RAB30: variants seen among roughly 807,000 people sequenced by gnomAD.
The protein encoded by RAB30 is RAB30, member RAS oncogene family, also known as ras-related protein Rab-30.
Under a neutral mutation model 25.1 loss-of-function variants are expected in RAB30, and 9 were observed. The observed-to-expected ratio is 0.36, with a 90% CI of 0.22 to 0.63. The LOEUF is 0.63. Ranked by LOEUF, RAB30 falls within the 20% of genes least tolerant of loss-of-function variation. RAB30 has a pLI of 0.69. For synonymous variants in RAB30, 77 were observed against 86.4 expected (o/e 0.89, Z 0.60); for missense variants, 140 against 243.5 (o/e 0.58, Z 2.83).
At chr11:83,016,101 G>A (rs535659153) in intron 1 of RAB30, among the ~76,000 whole-genome samples, 2 of 152,176 alleles carry the variant, frequency 1.3e-5, no homozygotes, top group Non-Finnish European at 2.9e-5. Context: ...TCATGCCACT[G>A]TACTCCAGCC....
At chr11:83,007,544 C>T (rs1400647188) in intron 1 of RAB30, among the ~76,000 whole-genome samples, 3 of 152,140 alleles carry the variant, frequency 2.0e-5, no homozygotes, top group African/African-American at 4.8e-5. Context: ...TCAGCATTAA[C>T]CCAAGCAAAC....
intron 1 of RAB30, among the ~76,000 whole-genome samples, chr11:83,022,567 C>G (rs1194821174): frequency 6.6e-6 from 1 of 152,066 alleles, no homozygotes; most frequent in Non-Finnish European, 1.5e-5. Context: ...CCAATTTTTA[C>G]TTTAGTATTT....
chr11:83,015,899 A>G (rs949656883), intron 1 of RAB30, among the ~76,000 whole-genome samples: 1 of 152,234 alleles, frequency 6.6e-6, no homozygotes, highest in Non-Finnish European at 1.5e-5. Context: ...ACACTTTGGG[A>G]GAATGAGGCA....
intron 1 of RAB30, among the ~76,000 whole-genome samples, chr11:83,061,394 A>T (rs1281501032): frequency 6.6e-6 from 1 of 152,236 alleles, no homozygotes; most frequent in Non-Finnish European, 1.5e-5. Context: ...TCTGGATCAG[A>T]AAAATTTTTT....
intron 4 of RAB30, among the ~76,000 whole-genome samples, chr11:82,985,866 C>T (rs1565266975): frequency 6.6e-6 from 1 of 151,996 alleles, no homozygotes; most frequent in Non-Finnish European, 1.5e-5. Context: ...TAGATGCCAT[C>T]ATGCCTGGCT....
intron 1 of RAB30, among the ~76,000 whole-genome samples, chr11:82,998,259 T>A (rs1463165952): frequency 6.6e-6 from 1 of 152,224 alleles, no homozygotes; most frequent in African/African-American, 2.4e-5. Flanking sequence ...AATGGGCATG[T>A]TGCTTATGTG....
chr11:83,063,035 G>A lies in RAB30; in HGVS notation c.-9+8656C>T, dbSNP rs568714422. Reference sequence around the variant, plus strand: ...AAAAAAAAAAAGATAAGTTGTCCACGTAGCAAACAGCTCAAATTTTTTGTT... The same window carrying A: ...AAAAAAAAAAAGATAAGTTGTCCACATAGCAAACAGCTCAAATTTTTTGTT... On this transcript the variant is annotated intron_variant, in intron 1 of 4. Transcript: ENST00000527633. 1.1e-4 allele frequency among the ~76,000 whole-genome samples: 16 copies of A among 149,900 alleles called. No homozygotes were observed. In the South Asian group the frequency reaches 3.0e-3, roughly 28 times the overall value.
chr11:83,040,113 C>T (rs1858073950), intron 1 of RAB30, among the ~76,000 whole-genome samples: 1 of 152,104 alleles, frequency 6.6e-6, no homozygotes, highest in Non-Finnish European at 1.5e-5. Flanking sequence ...AACAGGAGGA[C>T]CAGACTCCAG....
At chr11:83,056,777 G>A (rs1290147367) in intron 1 of RAB30, among the ~76,000 whole-genome samples, 1 of 152,112 alleles carries the variant, frequency 6.6e-6, no homozygotes, top group Non-Finnish European at 1.5e-5. Context: ...GTTTTCTCAT[G>A]TGATTTTTGC....
intron 1 of RAB30, among the ~76,000 whole-genome samples, chr11:83,031,598 G>T (rs1857861777): frequency 1.3e-5 from 2 of 151,686 alleles, no homozygotes; most frequent in East Asian, 3.9e-4. Context: ...TGCAATCTCG[G>T]CACACCGCAA....
intron 1 of RAB30, among the ~76,000 whole-genome samples, chr11:83,019,743 CT>C (rs1326957499): frequency 2.6e-5 from 4 of 152,178 alleles, no homozygotes; most frequent in African/African-American, 7.2e-5. Flanking sequence ...AGCAAGAGTA[CT>C]TTTTTTCAGT....
intron 1 of RAB30, among the ~76,000 whole-genome samples, chr11:83,049,058 A>G (rs1002210699): frequency 2.6e-5 from 4 of 152,252 alleles, no homozygotes; most frequent in East Asian, 1.9e-4. Context: ...CTACAATAAG[A>G]TAAGTCTGAT....
At chr11:83,015,308 G>T (rs573556468) in intron 1 of RAB30, among the ~76,000 whole-genome samples, 1 of 152,238 alleles carries the variant, frequency 6.6e-6, no homozygotes, top group Admixed American at 6.5e-5. Flanking sequence ...GGAGAGAAGG[G>T]TATAAATTTT....
chr11:82,981,976 A>T lies in RAB30; in HGVS notation c.*189T>A. On this transcript the variant is annotated 3_prime_UTR_variant, in exon 5 of 5. Transcript: ENST00000527633. ...TCCAACTCCAGACTGGAAAAGGGTG[A>T]AACCATTATATGTTCTGCTAATGCT... 1.4e-6 allele frequency: 1 copy of T among 706,712 alleles called. No homozygotes were observed. Among genetic ancestry groups the T allele is most frequent in the Non-Finnish European group, 2.3e-6 (1 of 434,594 alleles). 43.8% of individuals were successfully genotyped at this position (706,712 alleles called of 1,614,324 possible). A position where few individuals can be genotyped will look rare whatever the true frequency, so the allele number is the denominator to read the frequency against.
At chr11:83,041,638 C>T (rs1253448189) in intron 1 of RAB30, 2 of 154,086 alleles carry the variant, frequency 1.3e-5, no homozygotes, top group Non-Finnish European at 2.9e-5. Context: ...CGTTCTGTTT[C>T]TTAATCTGGA....
chr11:83,021,853 T>C (rs1465528635), intron 1 of RAB30, among the ~76,000 whole-genome samples: 3 of 152,244 alleles, frequency 2.0e-5, no homozygotes, highest in Non-Finnish European at 4.4e-5. Context: ...ACCTGGCCTA[T>C]AGGAAGTGCT....
At chr11:83,050,796 T>C (rs1361338866) in intron 1 of RAB30, among the ~76,000 whole-genome samples, 2 of 152,214 alleles carry the variant, frequency 1.3e-5, no homozygotes, top group Admixed American at 6.5e-5. Context: ...AAAATACTTG[T>C]ACATGTTAGA....
At position 83,012,442 on chromosome 11, in the gene RAB30, T is replaced by C. The variant is rs368356086; in HGVS notation, c.-8-15118A>G. 5.9e-5 allele frequency among the ~76,000 whole-genome samples: 9 copies of C among 152,356 alleles called. No homozygotes were observed. In the East Asian group the frequency reaches 1.7e-3, roughly 29 times the overall value. Reference sequence around the variant, plus strand: ...AAGAGGGCAAACTTTGGAGCCACACTGCCTGAGTCTGAATCCTCAGACTGC... The same window carrying C: ...AAGAGGGCAAACTTTGGAGCCACACCGCCTGAGTCTGAATCCTCAGACTGC... On this transcript the variant is annotated intron_variant, in intron 1 of 4. Transcript: ENST00000527633.
At chr11:83,021,929 T>C (rs1244496536) in intron 1 of RAB30, among the ~76,000 whole-genome samples, 1 of 152,250 alleles carries the variant, frequency 6.6e-6, no homozygotes, top group East Asian at 1.9e-4. Context: ...TCCAACAAGA[T>C]GTTCTTGAAG....
Sources: allele counts gnomAD v4.1 joint callset (sites outside exome capture counted in the v4.1 genomes callset), GRCh38; gene constraint gnomAD v4.1.1; transcripts MANE v1.5; gene names NCBI Gene and HGNC (gene_info 2026-07-23, HGNC 2026-07-21).